COL6A5: variants seen among roughly 807,000 people sequenced by gnomAD.
COL6A5 encodes the protein collagen type VI alpha 5 chain.
COL6A5 carries 48 observed loss-of-function variants against 65.6 expected under a neutral mutation model. The observed-to-expected ratio is 0.73, with a 90% CI of 0.58 to 0.93. The LOEUF is 0.93. Ranked by LOEUF, COL6A5 falls within the 40% of genes least tolerant of loss-of-function variation. The pLI is 0.00. For missense variants in COL6A5, 914 were observed against 928.3 expected (o/e 0.98, Z 0.20); for synonymous variants, 291 against 322.8 (o/e 0.90, Z 1.05).
chr3:130,355,708 A>G (rs1934899729), intron 1 of COL6A5, among the ~76,000 whole-genome samples: 1 of 152,078 alleles, frequency 6.6e-6, no homozygotes, highest in Non-Finnish European at 1.5e-5. Flanking sequence ...ATAAGGCAAA[A>G]TAAATTAAAC....
intron 10 of COL6A5, among the ~76,000 whole-genome samples, chr3:130,400,336 A>G (rs925604000): frequency 1.3e-5 from 2 of 152,216 alleles, no homozygotes; most frequent in Admixed American, 1.3e-4. Flanking sequence ...CCATTAGACC[A>G]TTAACTCTGG....
chr3:130,395,486 T>C, intron 8 of COL6A5, 21 bp downstream of exon 8: 1 of 1,512,884 alleles, frequency 6.6e-7, no homozygotes, highest in East Asian at 2.5e-5. Flanking sequence ...CTTGTTTGGT[T>C]TTCTTCCATG....
intron 20 of COL6A5, among the ~76,000 whole-genome samples, chr3:130,411,667 T>C (rs1937179750): frequency 1.3e-5 from 2 of 152,118 alleles, no homozygotes; most frequent in South Asian, 4.1e-4. Context: ...TAAAGATAAG[T>C]GTGTATTTTT....
intron 1 of COL6A5, among the ~76,000 whole-genome samples, chr3:130,438,062 G>A (rs545313481): frequency 1.8e-4 from 28 of 152,144 alleles, no homozygotes; most frequent in Middle Eastern, 3.4e-3. Flanking sequence ...GCAGTGGCAC[G>A]ATCTTGGCTC....
At chr3:130,482,825 C>T (rs1261871217) in intron 7 of COL6A5, among the ~76,000 whole-genome samples, 1 of 152,112 alleles carries the variant, frequency 6.6e-6, no homozygotes, top group Non-Finnish European at 1.5e-5. Flanking sequence ...TGTGAGTTCA[C>T]TCATGATTTG....
rs559255977 is a variant in COL6A5, at chr3:130,447,462, A to C, written c.1332+3896A>C. On this transcript the variant is annotated intron_variant, in intron 4 of 7. Transcript: ENST00000512836. ...TATCTTTTAATCCAGCGGCATTGAC[A>C]TGAGTGAGATTATGGAACTCCTGAG... 4.6e-5 allele frequency among the ~76,000 whole-genome samples: 7 copies of C among 152,274 alleles called. No individual in the cohort carries two copies. The South Asian group carries it at 1.5e-3, about 32-fold the overall frequency.
chr3:130,431,816 T>G, exon 1 of COL6A5: 2 of 1,550,928 alleles, frequency 1.3e-6, no homozygotes, highest in Non-Finnish European at 1.7e-6. Context: ...GTGAGGAGAG[T>G]TGCTGTGTTT....
intron 5 of COL6A5, among the ~76,000 whole-genome samples, 167 bp downstream of exon 37, chr3:130,455,833 G>T (rs916710351): frequency 6.6e-6 from 1 of 152,120 alleles, no homozygotes; most frequent in African/African-American, 2.4e-5. Context: ...AGAAGTGAAT[G>T]GTGACAGGCA....
chr3:130,447,249 A>G (rs910105830), intron 4 of COL6A5, among the ~76,000 whole-genome samples: 2 of 152,144 alleles, frequency 1.3e-5, no homozygotes, highest in African/African-American at 4.8e-5. Flanking sequence ...CTGAGAAGGT[A>G]TCTACAGAGA....
intron 7 of COL6A5, among the ~76,000 whole-genome samples, 195 bp downstream of exon 7, chr3:130,391,949 T>C (rs905670018): frequency 2.0e-5 from 3 of 152,330 alleles, no homozygotes; most frequent in Admixed American, 1.3e-4. Context: ...CACCACAGCA[T>C]GCACTGAAGA....
rs145471577 is a variant in COL6A5, at chr3:130,390,747, A to G, written c.2417-432A>G. 7.9e-5 allele frequency among the ~76,000 whole-genome samples: 12 copies of G among 152,368 alleles called. No individual in the cohort carries two copies. The East Asian group carries it at 2.1e-3, about 27-fold the overall frequency. On this transcript the variant is annotated intron_variant and NMD_transcript_variant, in intron 6 of 41. Transcript: ENST00000312481. ...CAGAGGGAGTAGGGTAAAACTACCA[A>G]CTTATACAGTGAGCTCCTGAGCTTT...
chr3:130,402,666 G>T (rs1254448054), intron 12 of COL6A5, among the ~76,000 whole-genome samples: 1 of 152,178 alleles, frequency 6.6e-6, no homozygotes. Context: ...GGGGTGAATT[G>T]TGACTGGGGA....
chr3:130,417,044 C>T lies in COL6A5; in HGVS notation c.4887+225C>T, dbSNP rs150158447. Among the ~76,000 whole-genome samples the T allele has an allele frequency of 7.5e-3, 1,138 of 151,864 alleles. 16 individuals carry two copies. The highest frequency in any genetic ancestry group is 0.025 in the African/African-American group (1,037 of 41,400). The stretch of plus-strand genomic sequence containing the variant: ...AACCCATCGTCTAGGTTTTAAGCCC[C>T]GCATGCATTAGGTATTTGTCCTAAT... On this transcript the variant is annotated intron_variant and NMD_transcript_variant, in intron 24 of 41. Coordinates refer to the COL6A5 transcript ENST00000312481.
At chr3:130,372,206 C>CTG (rs1935591814) in intron 1 of COL6A5, among the ~76,000 whole-genome samples, 2 of 152,104 alleles carry the variant, frequency 1.3e-5, no homozygotes, top group Non-Finnish European at 2.9e-5. Flanking sequence ...CCTTTATACA[C>CTG]TGCTGCTGAG....
chr3:130,431,744 T>C (rs778678377), exon 1 of COL6A5: 17 of 1,551,458 alleles, frequency 1.1e-5, no homozygotes, highest in Non-Finnish European at 1.4e-5. Context: ...CCCCGAGATG[T>C]TGGTAATGCA....
At chr3:130,373,614 A>G (rs1318551577) in exon 2 of COL6A5, 2 of 1,415,230 alleles carry the variant, frequency 1.4e-6, no homozygotes, top group East Asian at 2.5e-5. Context: ...TTTGCAGAAC[A>G]AAAGTAAAAA....
chr3:130,475,034 A>G (rs1432545753), intron 7 of COL6A5, among the ~76,000 whole-genome samples: 1 of 40,904 alleles, frequency 2.4e-5, no homozygotes, highest in African/African-American at 4.5e-5. Flanking sequence ...AAAAAAAGGA[A>G]AAGAAAAGAA....
At chr3:130,372,666 G>T (rs947969898) in intron 1 of COL6A5, among the ~76,000 whole-genome samples, 4 of 152,258 alleles carry the variant, frequency 2.6e-5, no homozygotes, top group East Asian at 1.9e-4. Context: ...CTATAGAAGG[G>T]GAGTGGGGGA....
chr3:130,420,302 A>T (rs1051903021), intron 25 of COL6A5, among the ~76,000 whole-genome samples: 4 of 152,086 alleles, frequency 2.6e-5, no homozygotes, highest in Non-Finnish European at 5.9e-5. Context: ...ATTTTTTAAA[A>T]ATCACTCTAA....
Sources: allele counts gnomAD v4.1 joint callset (sites outside exome capture counted in the v4.1 genomes callset), GRCh38; gene constraint gnomAD v4.1.1; transcripts MANE v1.5; gene names NCBI Gene and HGNC (gene_info 2026-07-23, HGNC 2026-07-21).